The following DPP6 variants were observed in gnomAD, a reference collection of about 807,000 sequenced individuals.
DPP6 encodes dipeptidyl peptidase like 6, also known as A-type potassium channel modulatory protein DPP6.
DPP6 carries 69 observed loss-of-function variants against 122.6 expected under a neutral mutation model. The observed-to-expected ratio is 0.56, with a 90% confidence interval of 0.46 to 0.69. The LOEUF is 0.69. Ranked by LOEUF, DPP6 falls within the 30% of genes least tolerant of loss-of-function variation. The probability of loss-of-function intolerance (pLI) is 0.00; values close to 1 mark genes in which losing one functional copy is unlikely to be tolerated. For missense variants in DPP6, 928 were observed against 1,116.9 expected (o/e 0.83, Z 2.41); for synonymous variants, 418 against 433.1 (o/e 0.97, Z 0.43).
chr7:154,548,919 A>G (rs1829419707), intron 4 of DPP6, among the ~76,000 whole-genome samples: 4 of 152,180 alleles, frequency 2.6e-5, no homozygotes, highest in Admixed American at 2.0e-4. Flanking sequence ...TGAACATGGG[A>G]GAAAAGTCGG....
the DPP6 span, among the ~76,000 whole-genome samples, chr7:153,769,451 A>G: frequency 6.6e-6 from 1 of 152,208 alleles, no homozygotes; most frequent in South Asian, 2.1e-4. Context: ...GTTGGGACAC[A>G]TAATGGTGTG....
At chr7:153,760,229 A>G in the DPP6 span, among the ~76,000 whole-genome samples, 43 of 152,330 alleles carry the variant, frequency 2.8e-4, no homozygotes, top group Non-Finnish European at 7.3e-5. Context: ...TGTGCGCAGT[A>G]TCCATTTCCT....
rs1044770886 is a variant in DPP6, at chr7:154,481,397, C to T, written c.457+6360C>T. Among the ~76,000 whole-genome samples the T allele has an allele frequency of 2.0e-5, 3 of 146,844 alleles. No homozygotes were observed. The highest frequency in any genetic ancestry group is 7.7e-5 in the African/African-American group (3 of 38,856). ...TGTCTGTGTGTGTGTGCATGTCAGTCACTGGCTAATTTCCATGTCCACTGC... is the reference window on the plus strand; with the variant it reads ...TGTCTGTGTGTGTGTGCATGTCAGTTACTGGCTAATTTCCATGTCCACTGC... On this transcript the variant is annotated intron_variant, in intron 3 of 25. Coordinates refer to ENST00000377770, the MANE Select transcript of DPP6 (RefSeq NM_130797.4). This position sits in a 1 kb window ranked among gnomAD's most constrained non-coding sequence, Gnocchi z 4.2.
At chr7:154,643,149 T>G (rs1478962243) in intron 6 of DPP6, among the ~76,000 whole-genome samples, 1 of 152,210 alleles carries the variant, frequency 6.6e-6, no homozygotes, top group African/African-American at 2.4e-5. Flanking sequence ...TTCATGACAC[T>G]CAGGTAATTA....
chr7:154,549,921 T>A lies in DPP6; in HGVS notation c.552+9295T>A, dbSNP rs547414201. Among the ~76,000 whole-genome samples the A allele has an allele frequency of 3.3e-5, 5 of 152,320 alleles. No homozygotes were observed. In the South Asian group the frequency reaches 6.2e-4, roughly 19 times the overall value. On this transcript the variant is annotated intron_variant, in intron 4 of 25. Transcript: ENST00000377770. ...TCAGGTACAGAGAAAGGTAAATGTT[T>A]TAATTTTATTCACAAAAGTATACTT...
In DPP6 at chr7:153,971,446, A is replaced by C. The variant is rs187135796; in HGVS notation, c.51+83712A>C. Among the ~76,000 whole-genome samples the C allele has an allele frequency of 2.0e-5, 3 of 147,936 alleles. No homozygotes were observed. In the East Asian group the frequency reaches 6.4e-4, roughly 32 times the overall value. On this transcript the variant is annotated intron_variant, in intron 1 of 25. Transcript: ENST00000404039. ...CTTTTCCTACCTTGTTACACTGGCTAGGACTGCCAGTAAAATGATGACTAG... is the reference window on the plus strand; with the variant it reads ...CTTTTCCTACCTTGTTACACTGGCTCGGACTGCCAGTAAAATGATGACTAG...
intron 4 of DPP6, among the ~76,000 whole-genome samples, chr7:154,544,153 TTA>T (rs565185981): frequency 0.13 from 19,096 of 145,860 alleles, 1,582 homozygotes; most frequent in Non-Finnish European, 0.19. Context: ...TATATATATT[TTA>T]TATATATATA....
chr7:153,816,755 T>G, the DPP6 span, among the ~76,000 whole-genome samples: 1 of 151,904 alleles, frequency 6.6e-6, no homozygotes, highest in Non-Finnish European at 1.5e-5. Context: ...ACCCATTTAC[T>G]AGGAATGCAC....
chr7:154,681,628 A>G (rs1222104003), intron 7 of DPP6, among the ~76,000 whole-genome samples: 1 of 152,102 alleles, frequency 6.6e-6, no homozygotes, highest in Non-Finnish European at 1.5e-5. Context: ...GCTGCCAAGA[A>G]TTCTCCTTCG....
the DPP6 span, among the ~76,000 whole-genome samples, chr7:153,871,877 T>C: frequency 6.6e-6 from 1 of 152,252 alleles, no homozygotes; most frequent in Non-Finnish European, 1.5e-5. Context: ...CTACTGTTTG[T>C]ACCTTTTCGT....
chr7:154,443,572 AGATG>A (rs559213021), intron 1 of DPP6, among the ~76,000 whole-genome samples: 4 of 149,732 alleles, frequency 2.7e-5, no homozygotes, highest in African/African-American at 9.9e-5. Context: ...GTGGATGAAT[AGATG>A]GATGGATGGA....
At chr7:154,066,803 GA>G (rs1284082540) in intron 1 of DPP6, among the ~76,000 whole-genome samples, 1 of 152,170 alleles carries the variant, frequency 6.6e-6, no homozygotes, top group African/African-American at 2.4e-5. Context: ...ATGGGATACA[GA>G]AATGCTTTTG....
Position 154,292,833 on chromosome 7 carries a change from T to C in DPP6, c.244-153381T>C, listed in dbSNP as rs1009231642. Among the ~76,000 whole-genome samples the C allele has an allele frequency of 2.0e-5, 3 of 152,346 alleles. No homozygotes were observed. The South Asian group carries it at 6.2e-4, about 32-fold the overall frequency. On this transcript the variant is annotated intron_variant, in intron 1 of 25. Transcript: ENST00000377770. ...ACAAAACAATACCTTTCTGAGGAGT[T>C]TATGTTCTAATAGGAAATACCTAAA...
intron 7 of DPP6, among the ~76,000 whole-genome samples, chr7:154,715,476 C>T (rs111907560): frequency 0.014 from 2,153 of 152,326 alleles, 17 homozygotes; most frequent in Non-Finnish European, 0.021. Flanking sequence ...GTACAATTTT[C>T]CGACCTTATC....
intron 17 of DPP6, among the ~76,000 whole-genome samples, chr7:154,856,612 G>A (rs1022513372): frequency 6.6e-6 from 1 of 152,214 alleles, no homozygotes; most frequent in Non-Finnish European, 1.5e-5. Context: ...TGTTAACTCT[G>A]CTGGGAAACA....
At chr7:154,017,127 G>C (rs1312750345) in intron 1 of DPP6, among the ~76,000 whole-genome samples, 3 of 152,144 alleles carry the variant, frequency 2.0e-5, no homozygotes, top group African/African-American at 7.2e-5. Flanking sequence ...GAGTGAAGTG[G>C]TGCAATCATG....
At chr7:154,852,362 G>A (rs369111204) in intron 16 of DPP6, among the ~76,000 whole-genome samples, 5 of 152,052 alleles carry the variant, frequency 3.3e-5, no homozygotes, top group African/African-American at 7.2e-5. Flanking sequence ...AGCAGCCCTG[G>A]CCACAGTGTT....
intron 1 of DPP6, among the ~76,000 whole-genome samples, chr7:153,947,338 C>G (rs1801993863): frequency 6.6e-6 from 1 of 152,220 alleles, no homozygotes; most frequent in South Asian, 2.1e-4. Flanking sequence ...CATTCCAGGG[C>G]TGCGAGGGAG....
chr7:153,808,975 T>C, the DPP6 span, among the ~76,000 whole-genome samples: 18 of 152,206 alleles, frequency 1.2e-4, no homozygotes, highest in East Asian at 2.5e-3. Flanking sequence ...ACCTCCATAC[T>C]ACTTTCCATA....
Sources: gnomAD v4.1 joint callset for allele counts (sites outside exome capture counted in the v4.1 genomes callset) on GRCh38, gnomAD v4.1.1 for gene constraint, Gnocchi (gnomAD v3.1) non-coding constraint, MANE v1.5 for transcripts, NCBI Gene and HGNC (gene_info 2026-07-23, HGNC 2026-07-21) for gene names.